Variants in RPRD2 observed in about 807,000 individuals in gnomAD.
RPRD2 encodes regulation of nuclear pre-mRNA domain containing 2, also known as regulation of nuclear pre-mRNA domain-containing protein 2.
In RPRD2, 12 loss-of-function variants were observed where a neutral mutation model predicts 104.4. That is an observed-to-expected ratio of 0.11 (90% CI 0.07 to 0.19). The LOEUF (loss-of-function observed/expected upper bound fraction) is 0.19, where lower values mean the gene tolerates loss of function less well. Ranked by LOEUF, RPRD2 falls within the 10% of genes least tolerant of loss-of-function variation. The pLI, the probability that RPRD2 is intolerant of heterozygous loss-of-function variation, is 1.00. For synonymous variants in RPRD2, 714 were observed against 684.9 expected, an observed-to-expected ratio of 1.04 and a Z score of -0.66; for missense variants, 1,543 against 1,790.1, an observed-to-expected ratio of 0.86 and a Z score of 2.49.
At chr1:150,422,973 GT>G (rs1664868185) in intron 2 of RPRD2, among the ~76,000 whole-genome samples, 1 of 152,110 alleles carries the variant, frequency 6.6e-6, no homozygotes, top group African/African-American at 2.4e-5. Context: ...TTAAATTTCA[GT>G]TTATCTTTTC....
At chr1:150,375,424 A>G (rs1553879276) in intron 1 of RPRD2, among the ~76,000 whole-genome samples, 1 of 152,128 alleles carries the variant, frequency 6.6e-6, no homozygotes, top group African/African-American at 2.4e-5. Flanking sequence ...ATAGCAGTGG[A>G]AAAACACTAA....
chr1:150,471,097 A>G lies in RPRD2; in HGVS notation c.2149A>G (p.Ile717Val), dbSNP rs749008059. ...CCAGCGTGGCCCTACTAGCACCTCA[A>G]TCGACAACATTGATGGAACCCCTGT... ...DFQRGPTSTS[I>V]DNIDGTPVRD... Residue 717 changes from isoleucine to valine, a missense_variant, in exon 11 of 11, where the codon ATC becomes GTC. This residue lies in a region of RPRD2 where 572 missense variants were observed against 787.3 expected (regional missense o/e 0.73). Transcript: ENST00000369068. This position sits in a 1 kb window ranked among gnomAD's most constrained non-coding sequence, Gnocchi z 5.3. 3.0e-5 allele frequency: 48 copies of G among 1,613,850 alleles called. No individual in the cohort carries two copies. In the Admixed American group the frequency reaches 4.8e-4, roughly 16 times the overall value.
At chr1:150,442,715 T>C (rs1285974383) in intron 4 of RPRD2, among the ~76,000 whole-genome samples, 1 of 152,204 alleles carries the variant, frequency 6.6e-6, no homozygotes, top group Admixed American at 6.5e-5. Flanking sequence ...GAGTCGTCAT[T>C]TCAGCCAAAG....
chr1:150,469,538 A>C (rs1668478534), intron 10 of RPRD2, among the ~76,000 whole-genome samples: 1 of 152,182 alleles, frequency 6.6e-6, no homozygotes, highest in Admixed American at 6.5e-5. Context: ...CTGCTGCCCA[A>C]AATGCTAGGA....
chr1:150,441,104 G>A (rs1666378565), intron 3 of RPRD2, 81 bp downstream of exon 3: 1 of 644,966 alleles, frequency 1.6e-6, no homozygotes, highest in Non-Finnish European at 2.6e-6. Flanking sequence ...TGGTCATGTT[G>A]TATAATAGTG....
Position 150,422,363 on chromosome 1 carries a change from AT to A in RPRD2, c.335+4639del, listed in dbSNP as rs1553889824. Among the ~76,000 whole-genome samples the A allele has an allele frequency of 7.1e-5, 7 of 98,814 alleles. 1 individual carries two copies. Among genetic ancestry groups the A allele is most frequent in the Non-Finnish European group, 1.1e-4 (5 of 43,526 alleles). 64.8% of individuals were successfully genotyped at this position (98,814 alleles called of 152,430 possible). A position where few individuals can be genotyped will look rare whatever the true frequency, so the allele number is the denominator to read the frequency against. On this transcript the variant is annotated intron_variant, in intron 2 of 10. Coordinates refer to ENST00000369068, the MANE Select transcript of RPRD2 (RefSeq NM_015203.5). Reference sequence around the variant, plus strand: ...CAAAATAATAATAATAATAATAATAATAATAAATAAAATTAAAATAAAAAAA... The same window carrying A: ...CAAAATAATAATAATAATAATAATAAAATAAATAAAATTAAAATAAAAAAA...
chr1:150,404,804 C>A (rs1376394669), intron 1 of RPRD2, among the ~76,000 whole-genome samples: 1 of 152,116 alleles, frequency 6.6e-6, no homozygotes, highest in Non-Finnish European at 1.5e-5. Flanking sequence ...GTATAACTTA[C>A]ATTCAAGAGT....
chr1:150,393,064 A>G (rs1221659370), intron 1 of RPRD2, among the ~76,000 whole-genome samples: 11 of 152,188 alleles, frequency 7.2e-5, no homozygotes, highest in Non-Finnish European at 1.3e-4. Context: ...GGCTATATAG[A>G]GAGACATATC....
chr1:150,380,133 G>A (rs587640231), intron 1 of RPRD2, among the ~76,000 whole-genome samples: 76 of 152,196 alleles, frequency 5.0e-4, no homozygotes, highest in African/African-American at 1.8e-3. Flanking sequence ...TACATTTATA[G>A]CATCACTACC....
chr1:150,395,552 A>ACCTAAG (rs1553884047), intron 1 of RPRD2, among the ~76,000 whole-genome samples: 1 of 137,732 alleles, frequency 7.3e-6, no homozygotes, highest in Non-Finnish European at 1.5e-5. Flanking sequence ...TTGCTCTGTC[A>ACCTAAG]CCTAAGCTGG....
chr1:150,471,781 A>G lies in RPRD2; in HGVS notation c.2833A>G (p.Asn945Asp). ...DSFFTPDSNH[N>D]SLSQSTTGHL... ...ATTTTTCACCCCTGACTCCAACCAC[A>G]ATAGCTTGTCTCAATCTACCACTGG... The change falls in exon 11 of 11, where the codon AAT becomes GAT. Residue 945 changes from asparagine (N) to aspartate (D), a missense_variant. Asn to Asp is a conservative substitution (Grantham distance 23). Transcript: ENST00000369068. The surrounding 1 kb of genome is among the most constrained non-coding windows in gnomAD (Gnocchi z 5.3). 6.2e-7 allele frequency: 1 copy of G among 1,613,822 alleles called. No homozygotes were observed. The highest frequency in any genetic ancestry group is 8.5e-7 in the Non-Finnish European group (1 of 1,179,848).
chr1:150,392,145 C>G (rs1553883275), intron 1 of RPRD2, among the ~76,000 whole-genome samples: 1 of 151,760 alleles, frequency 6.6e-6, no homozygotes, highest in Non-Finnish European at 1.5e-5. Context: ...AGGATCGCAC[C>G]ACTACACTCC....
intron 1 of RPRD2, among the ~76,000 whole-genome samples, chr1:150,395,775 C>T (rs902595655): frequency 5.3e-5 from 8 of 152,128 alleles, no homozygotes; most frequent in Non-Finnish European, 1.2e-4. Context: ...TCCCAAAGTG[C>T]TGGGATTACA....
At chr1:150,444,707 G>A (rs1666640977) in intron 6 of RPRD2, among the ~76,000 whole-genome samples, 1 of 152,040 alleles carries the variant, frequency 6.6e-6, no homozygotes, top group Non-Finnish European at 1.5e-5. Context: ...ATTGTAAATT[G>A]TAAATCATAC....
intron 10 of RPRD2, 89 bp from the exon 11 acceptor site, chr1:150,470,472 A>C: frequency 7.4e-7 from 1 of 1,358,198 alleles, no homozygotes; most frequent in Non-Finnish European, 1.0e-6. Flanking sequence ...TCCCACCAAA[A>C]TGAATGAGAG....
chr1:150,436,813 G>A (rs587770851), intron 2 of RPRD2, among the ~76,000 whole-genome samples: 1 of 151,464 alleles, frequency 6.6e-6, no homozygotes, highest in African/African-American at 2.4e-5. Context: ...GCCGAGGCAG[G>A]ACAATTGCTT....
intron 2 of RPRD2, among the ~76,000 whole-genome samples, chr1:150,421,249 A>T (rs1664735914): frequency 6.6e-6 from 1 of 152,216 alleles, no homozygotes; most frequent in Non-Finnish European, 1.5e-5. Flanking sequence ...AACTGTAATT[A>T]GGAAGAAAGA....
chr1:150,456,697 C>T (rs1553897642), intron 7 of RPRD2, among the ~76,000 whole-genome samples: 1 of 149,892 alleles, frequency 6.7e-6, no homozygotes, highest in African/African-American at 2.5e-5. Context: ...GGCCGAGGTG[C>T]ATGGATTACC....
intron 1 of RPRD2, among the ~76,000 whole-genome samples, chr1:150,390,059 A>G (rs1553882889): frequency 6.6e-6 from 1 of 152,226 alleles, no homozygotes; most frequent in Non-Finnish European, 1.5e-5. Flanking sequence ...TTAGGCTTTC[A>G]GAATTCCCAT....
Sources: allele counts gnomAD v4.1 joint callset (sites outside exome capture counted in the v4.1 genomes callset), GRCh38; gene constraint gnomAD v4.1.1; regional missense constraint gnomAD v4.1.1; non-coding constraint Gnocchi (gnomAD v3.1); transcripts MANE v1.5; gene names NCBI Gene and HGNC (gene_info 2026-07-23, HGNC 2026-07-21).